UNC13B: variants seen among roughly 807,000 people sequenced by gnomAD.
The protein encoded by UNC13B is protein unc-13 homolog B.
A neutral mutation model predicts 211.0 loss-of-function variants in UNC13B; 144 were observed. That is an observed-to-expected ratio of 0.68 (90% CI 0.60 to 0.78). The LOEUF is 0.78. Ranked by LOEUF, UNC13B falls within the 30% of genes least tolerant of loss-of-function variation. The pLI is 0.00. For missense variants in UNC13B, 1,777 were observed against 2,002.0 expected, an observed-to-expected ratio of 0.89 and a Z score of 2.14; for synonymous variants, 709 against 725.8, an observed-to-expected ratio of 0.98 and a Z score of 0.37.
chr9:35,166,335 C>G (rs1821037099), intron 1 of UNC13B, among the ~76,000 whole-genome samples: 1 of 152,050 alleles, frequency 6.6e-6, no homozygotes, highest in Non-Finnish European at 1.5e-5. Context: ...GAGCCAAGAT[C>G]ATGCCACTGT....
Position 35,258,922 on chromosome 9 carries a change from G to A in UNC13B, c.469-71G>A, listed in dbSNP as rs964378636. 3.9e-6 allele frequency: 6 copies of A among 1,519,948 alleles called. No homozygotes were observed. The African/African-American group carries it at 8.4e-5, about 21-fold the overall frequency. 94.2% of individuals were successfully genotyped at this position (1,519,948 alleles called of 1,614,324 possible). A position where few individuals can be genotyped will look rare whatever the true frequency, so the allele number is the denominator to read the frequency against. ...ACTAAACCTTTTTATAGGTAGTTGT[G>A]ATTTTTTTCCCTGTCTTTACTTGGG... On this transcript the variant is annotated intron_variant, in intron 6 of 39. Transcript: ENST00000635942.
intron 9 of UNC13B, 56 bp downstream of exon 9, chr9:35,308,468 G>GC: frequency 2.5e-6 from 1 of 398,274 alleles, no homozygotes; most frequent in Non-Finnish European, 4.4e-6. Context: ...CATTTATGAT[G>GC]CAAGTGACTT....
At chr9:35,401,441 A>G (rs1180665222) in intron 37 of UNC13B, among the ~76,000 whole-genome samples, 1 of 152,230 alleles carries the variant, frequency 6.6e-6, no homozygotes, top group Admixed American at 6.5e-5. Flanking sequence ...GAACTTTTAC[A>G]GAGCTGGGTA....
chr9:35,298,859 A>G (rs1255757113), intron 8 of UNC13B, among the ~76,000 whole-genome samples: 1 of 152,210 alleles, frequency 6.6e-6, no homozygotes, highest in African/African-American at 2.4e-5. Flanking sequence ...TTCTGCTGCT[A>G]TAATCAGTAT....
intron 1 of UNC13B, among the ~76,000 whole-genome samples, chr9:35,197,940 T>C (rs1017997257): frequency 2.0e-5 from 3 of 152,164 alleles, no homozygotes; most frequent in Admixed American, 2.0e-4. Context: ...TTTATAGCAA[T>C]GTGAGAACAG....
chr9:35,265,610 T>G (rs1827524033), intron 7 of UNC13B, among the ~76,000 whole-genome samples: 1 of 152,110 alleles, frequency 6.6e-6, no homozygotes, highest in African/African-American at 2.4e-5. Context: ...CTCTAGGATA[T>G]GGGATTGTGG....
rs1564122058 is a variant in UNC13B, at chr9:35,300,732, T to A, written c.1328T>A (p.Ile443Lys). The change falls in exon 9 of 40, where the codon ATA becomes AAA. Residue 443 changes from isoleucine to lysine, a missense_variant. Physicochemically the swap from Ile to Lys is moderately radical, Grantham distance 102 (BLOSUM62 -3). Transcript: ENST00000635942. ...GDLSECSIEE[I>K]TPSSIEEPKE... Reference sequence around the variant, plus strand: ...CTGTCTGAGTGCTCTATAGAAGAGATAACCCCTTCCTCTATTGAGGAGCCC... The same window carrying A: ...CTGTCTGAGTGCTCTATAGAAGAGAAAACCCCTTCCTCTATTGAGGAGCCC... 5 of 398,992 alleles carry A rather than the reference T, an allele frequency of 1.3e-5. No homozygotes were observed. The highest frequency in any genetic ancestry group is 3.6e-5 in the East Asian group (1 of 28,076). 24.7% of individuals were successfully genotyped at this position (398,992 alleles called of 1,614,324 possible).
intron 3 of UNC13B, among the ~76,000 whole-genome samples, chr9:35,233,298 T>C (rs113136178): frequency 9.8e-5 from 15 of 152,312 alleles, no homozygotes; most frequent in Non-Finnish European, 2.1e-4. Context: ...CTCATCAGCA[T>C]AGCCAGCATT....
chr9:35,203,167 A>G (rs1823418643), intron 1 of UNC13B, among the ~76,000 whole-genome samples: 1 of 152,098 alleles, frequency 6.6e-6, no homozygotes, highest in Non-Finnish European at 1.5e-5. Context: ...TTTAAGGTTA[A>G]TATTGTTATG....
chr9:35,290,776 G>A (rs901691410), intron 7 of UNC13B, among the ~76,000 whole-genome samples: 6 of 152,010 alleles, frequency 3.9e-5, no homozygotes, highest in Non-Finnish European at 4.4e-5. Context: ...CCAGAAGGGG[G>A]CTTAAAACAA....
chr9:35,300,742 C>T lies in UNC13B; in HGVS notation c.1338C>T (p.Ser446=). The T allele has an allele frequency of 2.5e-6, 1 of 398,912 alleles. No individual in the cohort carries two copies. The highest frequency in any genetic ancestry group is 4.4e-6 in the Non-Finnish European group (1 of 226,028). The allele number at this position is 398,912 out of a possible 1,614,324, so 24.7% of individuals were successfully genotyped here. A position where few individuals can be genotyped will look rare whatever the true frequency, so the allele number is the denominator to read the frequency against. Residue 446 remains serine, a synonymous_variant, in exon 9 of 40, where the codon TCC becomes TCT. Coordinates refer to ENST00000635942, the MANE Select transcript of UNC13B (RefSeq NM_001371189.2). ...GCTCTATAGAAGAGATAACCCCTTC[C>T]TCTATTGAGGAGCCCAAGGAGGACC... ...SECSIEEITP[S]SIEEPKEDRI...
At chr9:35,289,874 G>C (rs930840179) in intron 7 of UNC13B, among the ~76,000 whole-genome samples, 1 of 152,172 alleles carries the variant, frequency 6.6e-6, no homozygotes, top group African/African-American at 2.4e-5. Context: ...CTTCTTGGGA[G>C]CCTGAGGCAT....
chr9:35,241,602 T>C (rs563885016), intron 5 of UNC13B, among the ~76,000 whole-genome samples: 24 of 109,862 alleles, frequency 2.2e-4, no homozygotes, highest in African/African-American at 4.1e-4. Context: ...CACACCACCA[T>C]CTTCTTTTTA....
chr9:35,364,604 C>G (rs756262756), intron 11 of UNC13B: 7 of 1,533,906 alleles, frequency 4.6e-6, no homozygotes, highest in South Asian at 1.2e-5. Context: ...CCTTTTTTGT[C>G]TATTTCCCTC....
At chr9:35,258,102 A>G (rs964143563) in intron 6 of UNC13B, among the ~76,000 whole-genome samples, 2 of 152,244 alleles carry the variant, frequency 1.3e-5, no homozygotes. Context: ...TGTTGAGTTA[A>G]TAAGTAACTC....
chr9:35,244,875 T>C (rs958008180), intron 6 of UNC13B, among the ~76,000 whole-genome samples: 7 of 152,292 alleles, frequency 4.6e-5, no homozygotes, highest in African/African-American at 1.7e-4. Context: ...GAAATGGCAT[T>C]TGGGACAAGC....
intron 1 of UNC13B, 38 bp from the exon 2 acceptor site, chr9:35,227,977 G>A: frequency 6.2e-7 from 1 of 1,602,604 alleles, no homozygotes; most frequent in Non-Finnish European, 8.5e-7. Flanking sequence ...AATGAACTTG[G>A]AAACATTCTT....
At chr9:35,297,739 C>T (rs374789618) in intron 8 of UNC13B, among the ~76,000 whole-genome samples, 23 of 151,134 alleles carry the variant, frequency 1.5e-4, no homozygotes, top group Non-Finnish European at 2.2e-4. Context: ...TTAGTAGAGA[C>T]GGGGTTTCAC....
intron 10 of UNC13B, among the ~76,000 whole-genome samples, chr9:35,312,260 G>A (rs1830216050): frequency 6.6e-6 from 1 of 152,222 alleles, no homozygotes. Flanking sequence ...GGAGTGACTG[G>A]TGCTTCTACT....
Sources: gnomAD v4.1 joint callset for allele counts (sites outside exome capture counted in the v4.1 genomes callset) on GRCh38, gnomAD v4.1.1 for gene constraint, MANE v1.5 for transcripts, NCBI Gene and HGNC (gene_info 2026-07-23, HGNC 2026-07-21) for gene names.